Variants in GDF5 observed in about 807,000 individuals in gnomAD.
The protein encoded by GDF5 is growth/differentiation factor 5.
Under a neutral mutation model 34.6 loss-of-function variants are expected in GDF5, and 17 were observed. That is an observed-to-expected ratio of 0.49 (90% confidence interval 0.34 to 0.74). The LOEUF (loss-of-function observed/expected upper bound fraction) is 0.74, where lower values mean the gene tolerates loss of function less well. Among genes scored for constraint, GDF5 ranks in the 30% least tolerant of loss-of-function variants. GDF5 has a pLI of 0.01. For missense variants in GDF5, 616 were observed against 661.2 expected, an observed-to-expected ratio of 0.93 and a Z score of 0.75; for synonymous variants, 332 against 290.7, an observed-to-expected ratio of 1.14 and a Z score of -1.44.
upstream of GDF5, chr20:35,438,387 C>T (rs1159316309): frequency 5.3e-6 from 1 of 189,698 alleles, no homozygotes; most frequent in Non-Finnish European, 1.1e-5. Context: ...CACACACACA[C>T]ACACTCACAG....
At chr20:35,443,483 T>G (rs1313968518) in intron 1 of GDF5, among the ~76,000 whole-genome samples, 1 of 150,780 alleles carries the variant, frequency 6.6e-6, no homozygotes, top group Non-Finnish European at 1.5e-5. Flanking sequence ...AAACCATCCT[T>G]ATAAAGTCAG....
At chr20:35,439,826 T>A (rs1390774335), upstream of GDF5, among the ~76,000 whole-genome samples, 1 of 151,652 alleles carries the variant, frequency 6.6e-6, no homozygotes, top group Non-Finnish European at 1.5e-5. Flanking sequence ...CAGTTACCCC[T>A]TCTGTACATT....
Position 35,434,179 on chromosome 20 carries a change from C to T in GDF5, c.1236G>A (p.Met412Ile), listed in dbSNP as rs1568731381. The change falls in exon 2 of 2, where the codon ATG (methionine) becomes ATA (isoleucine). Residue 412 changes from methionine to isoleucine, a missense_variant. Coordinates refer to ENST00000374369, the MANE Select transcript of GDF5 (RefSeq NM_000557.5). ...RKALHVNFKD[M>I]GWDDWIIAPL... ...GTGCGATGATCCAGTCGTCCCAGCC[C>T]ATGTCCTTGAAGTTGACATGCAGTG... is the stretch of plus-strand genomic sequence containing the variant. 1 of 1,614,190 alleles carries T rather than the reference C, an allele frequency of 6.2e-7. No individual in the cohort carries two copies.
In GDF5 at chr20:35,438,074, G is replaced by A. The variant is rs1398842295; in HGVS notation, c.-146C>T. On this transcript the variant is annotated 5_prime_UTR_variant, in exon 1 of 2. Transcript: ENST00000374369. The stretch of plus-strand genomic sequence containing the variant: ...AGCAGAAGGAAAGGCTTTCTCCTCA[G>A]TCTGAGACTCTTGAAGTCTGCCGGG... 1.1e-6 allele frequency: 1 copy of A among 883,202 alleles called. No homozygotes were observed. Among genetic ancestry groups the A allele is most frequent in the Non-Finnish European group, 1.8e-6 (1 of 552,846 alleles). The allele number at this position is 883,202 out of a possible 1,614,324, so 54.7% of individuals were successfully genotyped here.
Position 35,434,392 on chromosome 20 carries a change from C to A in GDF5, c.1023G>T (p.Leu341=). Reference sequence around the variant, plus strand: ...TCTTGGTGCGGCCAAACACCAGGAACAGGGCTTTCTCGTGGACCTGCCGGG... The same window carrying A: ...TCTTGGTGCGGCCAAACACCAGGAAAAGGGCTTTCTCGTGGACCTGCCGGG... ...RAARQVHEKA[L]FLVFGRTKKR... is the part of the protein sequence containing the mutation. Residue 341 remains leucine (L), a synonymous_variant, in exon 2 of 2, where the codon CTG becomes CTT. Coordinates refer to ENST00000374369, the MANE Select transcript of GDF5 (RefSeq NM_000557.5). 3 of 1,613,710 alleles carry A rather than the reference C, an allele frequency of 1.9e-6. No individual in the cohort carries two copies. The highest frequency in any genetic ancestry group is 2.5e-6 in the Non-Finnish European group (3 of 1,179,974).
chr20:35,441,408 A>C (rs1180940620), upstream of GDF5: 1 of 152,002 alleles, frequency 6.6e-6, no homozygotes, highest in African/African-American at 2.4e-5. Context: ...AAATAAAATT[A>C]AATTGCATAA....
At chr20:35,441,004 G>A (rs2062495677), upstream of GDF5, among the ~76,000 whole-genome samples, 1 of 152,184 alleles carries the variant, frequency 6.6e-6, no homozygotes, top group Admixed American at 6.5e-5. Context: ...GTTTCTTGAA[G>A]GGAAGAATTG....
chr20:35,435,555 A>G (rs2062468912), intron 1 of GDF5: 1 of 149,698 alleles, frequency 6.7e-6, no homozygotes, highest in Admixed American at 6.7e-5. Context: ...GACTTGCTCA[A>G]ATTCTCAGCT....
rs753691079 is a variant in GDF5 at position 35,437,723 on chromosome 20, G to GC, written c.205dup (p.Ala69GlyfsTer25). On this transcript the variant is annotated frameshift_variant, in exon 1 of 2. Coordinates refer to ENST00000374369, the MANE Select transcript of GDF5 (RefSeq NM_000557.5). LOFTEE classifies it high-confidence loss of function. ...CTTTGCCCTGGCATTGGCATTGGTG[G>GC]CCCCCCCACCATAGCTGTGACCCCC... is the stretch of plus-strand genomic sequence containing the variant. 11 of 1,613,306 alleles carry GC rather than the reference G, an allele frequency of 6.8e-6. No individual in the cohort carries two copies. The highest frequency in any genetic ancestry group is 5.9e-6 in the Non-Finnish European group (7 of 1,179,702).
chr20:35,450,077 C>G (rs902985747), intron 1 of GDF5, among the ~76,000 whole-genome samples: 1 of 149,358 alleles, frequency 6.7e-6, no homozygotes, highest in Admixed American at 6.7e-5. Context: ...CCGAGGTGGG[C>G]GGATCACTTG....
At chr20:35,440,559 C>T (rs199544673), upstream of GDF5, among the ~76,000 whole-genome samples, 1 of 152,090 alleles carries the variant, frequency 6.6e-6, no homozygotes, top group African/African-American at 2.4e-5. Context: ...CCACGTGCCA[C>T]CTCCTCCATG....
Position 35,434,455 on chromosome 20 carries a change from C to T in GDF5, c.960G>A (p.Arg320=), listed in dbSNP as rs771573887. ...AGCCCAGGCCACGGAGGTCCACGGCCCTGCCCCGTTCCCAGGCCTCCAGCT... is the reference window on the plus strand; with the variant it reads ...AGCCCAGGCCACGGAGGTCCACGGCTCTGCCCCGTTCCCAGGCCTCCAGCT... ...CLELEAWERG[R]AVDLRGLGFD... Residue 320 remains arginine, a synonymous_variant, in exon 2 of 2, where the codon AGG becomes AGA. Coordinates refer to ENST00000374369, the MANE Select transcript of GDF5 (RefSeq NM_000557.5). 1.9e-6 allele frequency: 3 copies of T among 1,612,970 alleles called. No individual in the cohort carries two copies. The highest frequency in any genetic ancestry group is 1.3e-5 in the African/African-American group (1 of 74,922).
chr20:35,434,989 T>A (rs2062465146), intron 1 of GDF5: 1 of 667,192 alleles, frequency 1.5e-6, no homozygotes, highest in East Asian at 2.7e-5. Flanking sequence ...AGTAGGGGTG[T>A]TCACCTGAAG....
chr20:35,453,146 A>G (rs1289633292), intron 1 of GDF5, among the ~76,000 whole-genome samples: 1 of 152,112 alleles, frequency 6.6e-6, no homozygotes, highest in Non-Finnish European at 1.5e-5. Context: ...GCTATTGGGG[A>G]GGCTGAGGCA....
chr20:35,444,152 G>C (rs1190876594), intron 1 of GDF5, among the ~76,000 whole-genome samples: 2 of 152,182 alleles, frequency 1.3e-5, no homozygotes, highest in East Asian at 3.8e-4. Flanking sequence ...TGGGTATCTA[G>C]CCATGGACAA....
At chr20:35,447,322 G>C (rs2062517154) in intron 1 of GDF5, among the ~76,000 whole-genome samples, 3 of 152,220 alleles carry the variant, frequency 2.0e-5, no homozygotes, top group Admixed American at 2.0e-4. Flanking sequence ...ATGAAAACCT[G>C]GTTTCTTTTC....
At chr20:35,453,939 G>T in intron 1 of GDF5, 1 of 534,530 alleles carries the variant, frequency 1.9e-6, no homozygotes, top group Non-Finnish European at 3.8e-6. Context: ...ATCTCATGCA[G>T]CGCTTCCTAA....
chr20:35,454,682 C>G (rs1226247113), exon 1 of GDF5: 1 of 152,204 alleles, frequency 6.6e-6, no homozygotes, highest in Non-Finnish European at 1.5e-5. Flanking sequence ...AGCGTCTGAG[C>G]AGCAAGGTGA....
chr20:35,451,066 T>TATATATATATATATATAA (rs2062530731), intron 1 of GDF5, among the ~76,000 whole-genome samples: 1 of 19,332 alleles, frequency 5.2e-5, no homozygotes, highest in Non-Finnish European at 8.6e-5. Flanking sequence ...AAAAAAAAAA[T>TATATATATATATATATAA]ATATATATAT....
Sources: gnomAD v4.1 joint callset for allele counts (sites outside exome capture counted in the v4.1 genomes callset) on GRCh38, gnomAD v4.1.1 for gene constraint, MANE v1.5 for transcripts, NCBI Gene and HGNC (gene_info 2026-07-23, HGNC 2026-07-21) for gene names.